Variants in LINS1 observed in about 807,000 individuals in gnomAD.
LINS1 encodes the protein protein Lines homolog 1.
LINS1 carries 27 observed loss-of-function variants against 41.6 expected under a neutral mutation model. The ratio of observed to expected loss-of-function variants is 0.65; its 90% CI spans 0.48 to 0.89. The LOEUF (loss-of-function observed/expected upper bound fraction) is 0.89, where lower values mean the gene tolerates loss of function less well. LINS1 is among the 40% of genes least tolerant of loss of function. LINS1 has a pLI of 0.00. For missense variants in LINS1, 955 were observed against 884.1 expected, an observed-to-expected ratio of 1.08 and a Z score of -1.02; for synonymous variants, 336 against 312.9, an observed-to-expected ratio of 1.07 and a Z score of -0.78.
At chr15:100,595,410 C>A (rs1318546932) in intron 1 of LINS1, among the ~76,000 whole-genome samples, 1 of 151,742 alleles carries the variant, frequency 6.6e-6, no homozygotes, top group Admixed American at 6.6e-5. Flanking sequence ...ATAAAGATGG[C>A]AAATAATCCC....
rs1567088143 is a variant in LINS1, at chr15:100,580,257, TCTTAC to T, written c.489+1_489+5del. 8 of 1,571,330 alleles carry T rather than the reference TCTTAC, an allele frequency of 5.1e-6. No individual in the cohort carries two copies. The highest frequency in any genetic ancestry group is 7.0e-6 in the Non-Finnish European group (8 of 1,142,834). Reference sequence around the variant, plus strand: ...AATAATAACATACTTTGATTACTTATCTTACCTTTTCTCTCAATTGGAAATATAGA... The same window carrying T: ...AATAATAACATACTTTGATTACTTATCTTTTCTCTCAATTGGAAATATAGA... On this transcript the variant is annotated splice_donor_variant and splice_donor_5th_base_variant and intron_variant, in intron 3 of 6. Transcript: ENST00000314742. LOFTEE classifies it high-confidence loss of function.
chr15:100,600,551 C>CACAAAAAAA (rs1555436243), intron 1 of LINS1, among the ~76,000 whole-genome samples: 1 of 79,674 alleles, frequency 1.3e-5, no homozygotes, highest in African/African-American at 6.7e-5. Flanking sequence ...TGCTGTTAAG[C>CACAAAAAAA]AAAAAAAAAA....
intron 1 of LINS1, among the ~76,000 whole-genome samples, chr15:100,598,807 C>T (rs1254425481): frequency 6.6e-6 from 1 of 152,194 alleles, no homozygotes; most frequent in African/African-American, 2.4e-5. Flanking sequence ...CTTTATTACA[C>T]CAAGATCCCC....
At position 100,598,074 on chromosome 15, in the gene LINS1, G is replaced by A. The variant is rs566200276; in HGVS notation, c.-104+4047C>T. 3.0e-3 allele frequency among the ~76,000 whole-genome samples: 455 copies of A among 152,276 alleles called. 1 individual carries two copies. The highest frequency in any genetic ancestry group is 5.1e-3 in the Non-Finnish European group (349 of 68,022). On this transcript the variant is annotated intron_variant, in intron 1 of 6. Coordinates refer to ENST00000314742, the MANE Select transcript of LINS1 (RefSeq NM_001040616.3). ...TCCCTTTTGTTTTAGGCTTAAATATGACTTTCTTTGGCAGGGGTAGGTCCT... is the reference window on the plus strand; with the variant it reads ...TCCCTTTTGTTTTAGGCTTAAATATAACTTTCTTTGGCAGGGGTAGGTCCT...
At chr15:100,592,526 T>C (rs1008604247) in intron 1 of LINS1, among the ~76,000 whole-genome samples, 1 of 151,994 alleles carries the variant, frequency 6.6e-6, no homozygotes, top group Admixed American at 6.6e-5. Flanking sequence ...CCTGTAGCCA[T>C]CTAGGTGGTC....
chr15:100,587,157 T>TAAAAAA (rs56781451), intron 1 of LINS1, among the ~76,000 whole-genome samples: 16 of 68,276 alleles, frequency 2.3e-4, no homozygotes, highest in South Asian at 5.6e-4. Flanking sequence ...GACTCTGTCT[T>TAAAAAA]AAAAAAAAAA....
chr15:100,590,934 T>C lies in LINS1; in HGVS notation c.-103-9989A>G, dbSNP rs890160993. The stretch of plus-strand genomic sequence containing the variant: ...TAGCTCATACCTTTAATCCCAGCAC[T>C]TTGGGAGGCCGAGGCGGGCAGATCA... On this transcript the variant is annotated intron_variant, in intron 1 of 6. Transcript: ENST00000314742. 2.0e-5 allele frequency among the ~76,000 whole-genome samples: 3 copies of C among 152,134 alleles called. No homozygotes were observed. The South Asian group carries it at 6.2e-4, about 32-fold the overall frequency.
intron 5 of LINS1, 44 bp downstream of exon 5, chr15:100,573,607 G>A: frequency 8.5e-7 from 1 of 1,176,986 alleles, no homozygotes. Context: ...CTGTACTTAA[G>A]TAAATAATTA....
chr15:100,577,946 G>A (rs940816860), intron 3 of LINS1, among the ~76,000 whole-genome samples: 3 of 152,172 alleles, frequency 2.0e-5, no homozygotes, highest in African/African-American at 7.2e-5. Flanking sequence ...TTTAACAAAT[G>A]GTGCTGGGAA....
intron 1 of LINS1, among the ~76,000 whole-genome samples, chr15:100,585,610 A>G (rs2038766568): frequency 6.6e-6 from 1 of 152,172 alleles, no homozygotes; most frequent in Non-Finnish European, 1.5e-5. Context: ...AAAACTGGCG[A>G]GCTTGTATTG....
intron 1 of LINS1, among the ~76,000 whole-genome samples, chr15:100,601,124 A>G (rs1596985271): frequency 6.6e-6 from 1 of 152,328 alleles, no homozygotes; most frequent in East Asian, 1.9e-4. Context: ...AGATCTTGGC[A>G]TGGCTGGCTC....
At chr15:100,580,401 A>G in intron 2 of LINS1, 43 bp downstream of exon 2, 1 of 1,606,988 alleles carries the variant, frequency 6.2e-7, no homozygotes, top group Non-Finnish European at 8.5e-7. Context: ...TGTTCTTAAA[A>G]TTATTTTAAA....
At chr15:100,579,343 A>G (rs906093363) in intron 3 of LINS1, among the ~76,000 whole-genome samples, 2 of 151,814 alleles carry the variant, frequency 1.3e-5, no homozygotes, top group Non-Finnish European at 2.9e-5. Flanking sequence ...TCTAAGTTTC[A>G]AGAAAGCAAA....
chr15:100,591,239 G>A (rs2039023894), intron 1 of LINS1, among the ~76,000 whole-genome samples: 1 of 152,180 alleles, frequency 6.6e-6, no homozygotes, highest in Non-Finnish European at 1.5e-5. Context: ...TCTCTCAAAG[G>A]TTTTAAATGG....
intron 1 of LINS1, among the ~76,000 whole-genome samples, chr15:100,600,777 C>A (rs2039456806): frequency 6.6e-6 from 1 of 152,194 alleles, no homozygotes; most frequent in Non-Finnish European, 1.5e-5. Context: ...TTCACTGCCA[C>A]TACTGCACTT....
Position 100,569,332 on chromosome 15 carries a change from T to C in LINS1, c.2180A>G (p.Gln727Arg), listed in dbSNP as rs1434782967. 2.5e-6 allele frequency: 4 copies of C among 1,614,030 alleles called. No homozygotes were observed. The African/African-American group carries it at 5.3e-5, about 22-fold the overall frequency. ...ATTATATGGGAAAAGATTTTTCTTT[T>C]GCAAACGGCAGATGGCATCTTGTAG... ...QELQDAICRLQKKNLFPYNPT... is the reference protein window; with the variant it reads ...QELQDAICRLRKKNLFPYNPT... Residue 727 changes from glutamine (Q) to arginine (R), a missense_variant, in exon 7 of 7, where the codon CAA becomes CGA. Gln to Arg is a conservative substitution (Grantham distance 43, BLOSUM62 1). Coordinates refer to ENST00000314742, the MANE Select transcript of LINS1 (RefSeq NM_001040616.3).
intron 1 of LINS1, among the ~76,000 whole-genome samples, chr15:100,584,455 C>T (rs1415122990): frequency 6.6e-6 from 1 of 151,966 alleles, no homozygotes; most frequent in African/African-American, 2.4e-5. Flanking sequence ...AGTAGATGGG[C>T]TGTTTTCTCT....
chr15:100,569,884 T>C lies in LINS1; in HGVS notation c.1628A>G (p.Asn543Ser), dbSNP rs200553228. 82 of 1,613,190 alleles carry C rather than the reference T, an allele frequency of 5.1e-5. No individual in the cohort carries two copies. Among genetic ancestry groups the C allele is most frequent in the Non-Finnish European group, 6.8e-5 (80 of 1,179,438 alleles). Residue 543 changes from asparagine to serine, a missense_variant, in exon 7 of 7, where the codon AAT (asparagine) becomes AGT (serine). Asn to Ser is a conservative substitution (Grantham distance 46). Transcript: ENST00000314742. ...KDWDNFFTIC[N>S]NFDATESKYD... is the part of the protein sequence containing the mutation. The stretch of plus-strand genomic sequence containing the variant: ...TTTAGATTCAGTTGCATCAAAGTTA[T>C]TGCAAATGGTGAAAAAATTATCCCA...
intron 1 of LINS1, among the ~76,000 whole-genome samples, chr15:100,581,216 G>A (rs1265418730): frequency 6.6e-6 from 1 of 152,114 alleles, no homozygotes; most frequent in African/African-American, 2.4e-5. Context: ...TGGCTATCAG[G>A]GTTTCTTAAC....
Sources: gnomAD v4.1 joint callset for allele counts (sites outside exome capture counted in the v4.1 genomes callset) on GRCh38, gnomAD v4.1.1 for gene constraint, MANE v1.5 for transcripts, NCBI Gene and HGNC (gene_info 2026-07-23, HGNC 2026-07-21) for gene names.